Variants in CAMK1D observed in about 807,000 individuals in gnomAD.
CAMK1D encodes the protein calcium/calmodulin dependent protein kinase ID.
In CAMK1D, 9 loss-of-function variants were observed where a neutral mutation model predicts 47.7. That is an observed-to-expected ratio of 0.19 (90% CI 0.11 to 0.33). CAMK1D has a LOEUF of 0.33. Among genes scored for constraint, CAMK1D ranks in the 10% least tolerant of loss-of-function variants. The probability of loss-of-function intolerance (pLI) is 1.00; values close to 1 mark genes in which losing one functional copy is unlikely to be tolerated. For synonymous variants in CAMK1D, 184 were observed against 184.9 expected (o/e 0.99, Z 0.04); for missense variants, 291 against 488.7 (o/e 0.60, Z 3.81).
At chr10:12,409,484 A>AC (rs1295209509) in intron 1 of CAMK1D, among the ~76,000 whole-genome samples, 1 of 152,172 alleles carries the variant, frequency 6.6e-6, no homozygotes, top group Non-Finnish European at 1.5e-5. Flanking sequence ...GGCTCTTGCT[A>AC]CGTGGCCCAG....
At chr10:12,813,170 C>T (rs1832672383) in intron 6 of CAMK1D, among the ~76,000 whole-genome samples, 1 of 152,108 alleles carries the variant, frequency 6.6e-6, no homozygotes, top group South Asian at 2.1e-4. Context: ...GAAATGGATC[C>T]ATGGAAAAAT....
chr10:12,790,233 A>G (rs1837919209), intron 5 of CAMK1D, among the ~76,000 whole-genome samples: 2 of 152,258 alleles, frequency 1.3e-5, no homozygotes, highest in African/African-American at 4.8e-5. Context: ...CACAGATGAG[A>G]TGGGAAAATG....
intron 2 of CAMK1D, among the ~76,000 whole-genome samples, chr10:12,624,941 C>A (rs1018750889): frequency 6.6e-6 from 1 of 151,838 alleles, no homozygotes. Context: ...CATACCTATG[C>A]CCCATTTCTT....
chr10:12,552,427 C>T (rs765082547), intron 1 of CAMK1D, among the ~76,000 whole-genome samples: 1 of 152,276 alleles, frequency 6.6e-6, no homozygotes, highest in East Asian at 1.9e-4. Context: ...CTATCCTTAC[C>T]CAGCTGGGAA....
chr10:12,714,454 C>T (rs1017799395), intron 3 of CAMK1D, among the ~76,000 whole-genome samples: 1 of 152,090 alleles, frequency 6.6e-6, no homozygotes, highest in Non-Finnish European at 1.5e-5. Context: ...GGTGCGGTGG[C>T]TCACGCCTGT....
At chr10:12,600,308 C>T (rs1425503551) in intron 2 of CAMK1D, among the ~76,000 whole-genome samples, 1 of 152,216 alleles carries the variant, frequency 6.6e-6, no homozygotes, top group Non-Finnish European at 1.5e-5. Context: ...CTCCTCAACT[C>T]AAGGGGGACT....
intron 2 of CAMK1D, among the ~76,000 whole-genome samples, chr10:12,658,287 T>A (rs1390058148): frequency 6.6e-6 from 1 of 151,446 alleles, no homozygotes; most frequent in African/African-American, 2.4e-5. Context: ...GACAGGAGAG[T>A]GATGAGCACA....
intron 2 of CAMK1D, among the ~76,000 whole-genome samples, chr10:12,567,260 T>C (rs2132304226): frequency 6.6e-6 from 1 of 152,306 alleles, no homozygotes; most frequent in Non-Finnish European, 1.5e-5. Context: ...CTGAGAGCTG[T>C]GCTGTTCCTT....
chr10:12,477,202 G>A lies in CAMK1D; in HGVS notation c.93-76023G>A, dbSNP rs182731177. Among the ~76,000 whole-genome samples, 18 of 152,254 alleles carry A rather than the reference G, an allele frequency of 1.2e-4. No homozygotes were observed. The East Asian group carries it at 3.1e-3, about 26-fold the overall frequency. On this transcript the variant is annotated intron_variant, in intron 1 of 10. Coordinates refer to ENST00000619168, the MANE Select transcript of CAMK1D (RefSeq NM_153498.4). Reference sequence around the variant, plus strand: ...AGGCCGAGGCGGGCAGATCACTGGAGGTCAGGAGTTCGAGTCCAGCCTGGC... The same window carrying A: ...AGGCCGAGGCGGGCAGATCACTGGAAGTCAGGAGTTCGAGTCCAGCCTGGC...
At chr10:12,371,984 T>C (rs1305870497) in intron 1 of CAMK1D, among the ~76,000 whole-genome samples, 2 of 152,152 alleles carry the variant, frequency 1.3e-5, no homozygotes, top group Non-Finnish European at 2.9e-5. Context: ...ATCTTTTACA[T>C]TGTATTTTCA....
chr10:12,681,121 T>TC (rs756800124), intron 3 of CAMK1D, among the ~76,000 whole-genome samples: 1 of 152,136 alleles, frequency 6.6e-6, no homozygotes, highest in Non-Finnish European at 1.5e-5. Context: ...TTGACCATTT[T>TC]CTCTCCTAAA....
intron 1 of CAMK1D, among the ~76,000 whole-genome samples, chr10:12,374,942 C>CAAAAAAAA: frequency 1.1e-5 from 1 of 94,552 alleles, no homozygotes; most frequent in Non-Finnish European, 2.0e-5. Flanking sequence ...GACTCCGTCT[C>CAAAAAAAA]AAAAAAAAAA....
chr10:12,799,168 C>T (rs991308241), intron 6 of CAMK1D, among the ~76,000 whole-genome samples: 1 of 152,296 alleles, frequency 6.6e-6, no homozygotes, highest in Admixed American at 6.5e-5. Context: ...CTCGACGCAA[C>T]ACCATGTAAT....
rs190024540 is a variant in CAMK1D at position 12,494,721 on chromosome 10, C to T, written c.93-58504C>T. ...CTGGGACTACAGGCATGTGCCACCA[C>T]ACCTGGCTAATTTTTTTTTGTATTT... On this transcript the variant is annotated intron_variant, in intron 1 of 10. Transcript: ENST00000619168. 2.6e-5 allele frequency among the ~76,000 whole-genome samples: 4 copies of T among 152,290 alleles called. No individual in the cohort carries two copies. The East Asian group carries it at 7.7e-4, about 29-fold the overall frequency.
intron 1 of CAMK1D, among the ~76,000 whole-genome samples, chr10:12,489,191 G>T (rs1834305227): frequency 2.6e-5 from 4 of 152,162 alleles, no homozygotes; most frequent in Admixed American, 2.6e-4. Context: ...GCCGGCCTCG[G>T]CCTCCCAAAG....
intron 7 of CAMK1D, among the ~76,000 whole-genome samples, 191 bp from the exon 8 acceptor site, chr10:12,816,059 A>C (rs996789142): frequency 6.6e-6 from 1 of 152,172 alleles, no homozygotes; most frequent in South Asian, 2.1e-4. Flanking sequence ...GGGCCACCCT[A>C]GAGTGCCAAG....
At chr10:12,793,056 G>A (rs1359362027) in intron 6 of CAMK1D, among the ~76,000 whole-genome samples, 1 of 152,056 alleles carries the variant, frequency 6.6e-6, no homozygotes, top group Non-Finnish European at 1.5e-5. Flanking sequence ...ACACTGGACA[G>A]GAGCCCTGTG....
chr10:12,818,671 A>C (rs890106672), intron 8 of CAMK1D, among the ~76,000 whole-genome samples: 16 of 77,428 alleles, frequency 2.1e-4, no homozygotes, highest in East Asian at 1.0e-3. Flanking sequence ...ACTCTGTCCC[A>C]AAAAAAAAAA....
intron 1 of CAMK1D, among the ~76,000 whole-genome samples, chr10:12,489,728 G>GC (rs1217761298): frequency 6.6e-6 from 1 of 152,194 alleles, no homozygotes; most frequent in Non-Finnish European, 1.5e-5. Context: ...TGCTGGACGA[G>GC]CCCTTTCTCC....
Sources: gnomAD v4.1 joint callset for allele counts (sites outside exome capture counted in the v4.1 genomes callset) on GRCh38, gnomAD v4.1.1 for gene constraint, MANE v1.5 for transcripts, NCBI Gene and HGNC (gene_info 2026-07-23, HGNC 2026-07-21) for gene names.